Variants in MAGI3 observed in about 807,000 individuals in gnomAD.
MAGI3 encodes membrane associated guanylate kinase, WW and PDZ domain containing 3, also known as membrane-associated guanylate kinase, WW and PDZ domain-containing protein 3.
In MAGI3, 43 loss-of-function variants were observed where a neutral mutation model predicts 121.8. The observed-to-expected ratio is 0.35, with a 90% CI of 0.28 to 0.46. The LOEUF (loss-of-function observed/expected upper bound fraction) is 0.46, where lower values mean the gene tolerates loss of function less well. Among genes scored for constraint, MAGI3 ranks in the 20% least tolerant of loss-of-function variants. MAGI3 has a pLI of 1.00. For synonymous variants in MAGI3, 553 were observed against 639.3 expected, an observed-to-expected ratio of 0.86 and a Z score of 2.04; for missense variants, 1,547 against 1,797.3, an observed-to-expected ratio of 0.86 and a Z score of 2.52.
rs1648874323 is a variant in MAGI3 at position 113,594,466 on chromosome 1, A to G, written c.939-15A>G. 1.9e-6 allele frequency: 3 copies of G among 1,590,786 alleles called. No individual in the cohort carries two copies. Among genetic ancestry groups the G allele is most frequent in the Non-Finnish European group, 2.6e-6 (3 of 1,170,400 alleles). On this transcript the variant is annotated splice_polypyrimidine_tract_variant and intron_variant, in intron 5 of 20. Coordinates refer to ENST00000307546, the MANE Select transcript of MAGI3 (RefSeq NM_001142782.2). Reference sequence around the variant, plus strand: ...CTTTATTTTACTGTTTCTAATTAAAATCTTTATTCTACAGCCACAATACCA... The same window carrying G: ...CTTTATTTTACTGTTTCTAATTAAAGTCTTTATTCTACAGCCACAATACCA...
At chr1:113,591,620 T>C (rs1159877284) in intron 5 of MAGI3, among the ~76,000 whole-genome samples, 1 of 152,192 alleles carries the variant, frequency 6.6e-6, no homozygotes, top group African/African-American at 2.4e-5. Context: ...TTGCACATTA[T>C]TGATGAGGTT....
intron 1 of MAGI3, among the ~76,000 whole-genome samples, chr1:113,539,186 A>C (rs2101652603): frequency 6.6e-6 from 1 of 152,280 alleles, no homozygotes; most frequent in Admixed American, 6.5e-5. Context: ...TGAGGTCAAG[A>C]GATCGAGACC....
At chr1:113,464,644 A>G (rs1655187907) in intron 1 of MAGI3, among the ~76,000 whole-genome samples, 1 of 152,088 alleles carries the variant, frequency 6.6e-6, no homozygotes, top group African/African-American at 2.4e-5. Flanking sequence ...CTTTGTTTCC[A>G]TCCTCACCAG....
intron 16 of MAGI3, among the ~76,000 whole-genome samples, chr1:113,663,749 T>C (rs947925764): frequency 1.3e-5 from 2 of 152,210 alleles, no homozygotes; most frequent in East Asian, 3.8e-4. Context: ...ATGGTAACTA[T>C]GTTTAGCTTT....
intron 15 of MAGI3, among the ~76,000 whole-genome samples, chr1:113,656,404 C>A (rs1030104481): frequency 6.6e-6 from 1 of 151,126 alleles, no homozygotes; most frequent in African/African-American, 2.4e-5. Context: ...CAGAATAGAT[C>A]AGTATTTTCT....
chr1:113,509,787 C>G (rs1436030046), intron 1 of MAGI3, among the ~76,000 whole-genome samples: 1 of 137,972 alleles, frequency 7.2e-6, no homozygotes, highest in Non-Finnish European at 1.6e-5. Flanking sequence ...AAAATAAATA[C>G]TACCTAGGAG....
intron 6 of MAGI3, among the ~76,000 whole-genome samples, chr1:113,595,575 TATA>T (rs1186320463): frequency 6.6e-6 from 1 of 152,214 alleles, no homozygotes; most frequent in African/African-American, 2.4e-5. Context: ...ATGATTATAA[TATA>T]ATATTAAGAG....
chr1:113,604,609 A>T (rs1649632559), intron 6 of MAGI3, among the ~76,000 whole-genome samples: 1 of 146,750 alleles, frequency 6.8e-6, no homozygotes. Flanking sequence ...AAGAAAGAAA[A>T]TGTGGTATAT....
intron 1 of MAGI3, among the ~76,000 whole-genome samples, chr1:113,395,087 G>GTTTTTTTTTTTTTTT (rs139532433): frequency 3.3e-4 from 11 of 33,238 alleles, no homozygotes; most frequent in Non-Finnish European, 5.1e-4. Flanking sequence ...CTTTTTGTTA[G>GTTTTTTTTTTTTTTT]TTTTTTTTTT....
At chr1:113,572,125 G>T (rs1330054309) in intron 2 of MAGI3, among the ~76,000 whole-genome samples, 1 of 152,080 alleles carries the variant, frequency 6.6e-6, no homozygotes, top group Non-Finnish European at 1.5e-5. Flanking sequence ...TATTATTGAA[G>T]GCCTTTTCTG....
intron 15 of MAGI3, among the ~76,000 whole-genome samples, chr1:113,656,577 C>T (rs1336837602): frequency 6.6e-6 from 1 of 152,016 alleles, no homozygotes; most frequent in African/African-American, 2.4e-5. Flanking sequence ...ACACACCTGG[C>T]TAATTTTTTT....
intron 9 of MAGI3, among the ~76,000 whole-genome samples, chr1:113,626,121 A>T (rs1035754530): frequency 2.0e-5 from 3 of 152,124 alleles, no homozygotes; most frequent in Non-Finnish European, 4.4e-5. Flanking sequence ...ACTCACCAGC[A>T]CGCCTGGCTA....
At chr1:113,449,659 G>A (rs1654379408) in intron 1 of MAGI3, 2 of 748,460 alleles carry the variant, frequency 2.7e-6, no homozygotes, top group Non-Finnish European at 4.8e-6. Flanking sequence ...TCAGTATATC[G>A]ATATTGAACT....
At chr1:113,556,690 GT>G (rs1660007913) in intron 2 of MAGI3, among the ~76,000 whole-genome samples, 1 of 150,152 alleles carries the variant, frequency 6.7e-6, no homozygotes, top group African/African-American at 2.5e-5. Flanking sequence ...AACTTCCTCA[GT>G]TACTGGAACT....
intron 1 of MAGI3, among the ~76,000 whole-genome samples, chr1:113,442,595 C>T (rs749177307): frequency 7.3e-5 from 11 of 151,258 alleles, no homozygotes; most frequent in South Asian, 4.2e-4. Context: ...ATATATATAA[C>T]GTACAGGCAT....
At chr1:113,645,150 A>G (rs920118174) in intron 11 of MAGI3, among the ~76,000 whole-genome samples, 1 of 150,112 alleles carries the variant, frequency 6.7e-6, no homozygotes, top group African/African-American at 2.5e-5. Flanking sequence ...TTAGCCTCCC[A>G]GTAGCTGGAA....
Position 113,653,969 on chromosome 1 carries a change from A to T in MAGI3, c.2580A>T (p.Glu860Asp), listed in dbSNP as rs1272150895. 1 of 1,613,908 alleles carries T rather than the reference A, an allele frequency of 6.2e-7. No homozygotes were observed. The highest frequency in any genetic ancestry group is 8.5e-7 in the Non-Finnish European group (1 of 1,179,916). Residue 860 changes from glutamate (E) to aspartate (D), a missense_variant, in exon 15 of 21, where the codon GAA becomes GAT. Transcript: ENST00000307546. ...YDVVLQRKEN[E>D]GFGFVILTSK... ...TTGTCTTGCAACGAAAAGAAAATGA[A>T]GGATTTGGCTTTGTCATCCTCACCT... is the stretch of plus-strand genomic sequence containing the variant.
chr1:113,560,036 T>C (rs928592422), intron 2 of MAGI3, among the ~76,000 whole-genome samples: 3 of 152,192 alleles, frequency 2.0e-5, no homozygotes, highest in African/African-American at 4.8e-5. Flanking sequence ...CCGATAGTTA[T>C]CTACAGAACT....
intron 1 of MAGI3, among the ~76,000 whole-genome samples, chr1:113,416,426 A>T (rs1167342249): frequency 3.2e-5 from 4 of 123,150 alleles, no homozygotes; most frequent in African/African-American, 1.2e-4. Context: ...ATAATTAATA[A>T]TATATATTAA....
Sources: allele counts gnomAD v4.1 joint callset (sites outside exome capture counted in the v4.1 genomes callset), GRCh38; gene constraint gnomAD v4.1.1; transcripts MANE v1.5; gene names NCBI Gene and HGNC (gene_info 2026-07-23, HGNC 2026-07-21).